Variants in NEO1 observed in about 807,000 individuals in gnomAD.
NEO1 encodes neogenin 1.
In NEO1, 63 loss-of-function variants were observed where a neutral mutation model predicts 159.7. The ratio of observed to expected loss-of-function variants is 0.39; its 90% CI spans 0.32 to 0.49. NEO1 has a LOEUF of 0.49. NEO1 is among the 20% of genes least tolerant of loss of function. The pLI is 0.85. For missense variants in NEO1, 1,615 were observed against 1,831.0 expected (o/e 0.88, Z 2.15); for synonymous variants, 633 against 662.0 (o/e 0.96, Z 0.67).
rs1426917037 is a variant in NEO1, at chr15:73,092,215, C to T, written c.131-24325C>T. Among the ~76,000 whole-genome samples the T allele has an allele frequency of 2.6e-5, 4 of 152,244 alleles. No homozygotes were observed. The South Asian group carries it at 8.3e-4, about 32-fold the overall frequency. On this transcript the variant is annotated intron_variant, in intron 1 of 28. Transcript: ENST00000261908. ...CTACTTCTGTTCCCTGGATTAGTCA[C>T]CTAGTCACCACTCTTGTCTTTGTGA...
chr15:73,281,065 G>A (rs1434871816), intron 22 of NEO1, among the ~76,000 whole-genome samples: 2 of 151,114 alleles, frequency 1.3e-5, no homozygotes, highest in Non-Finnish European at 3.0e-5. Context: ...AAAATTAGCC[G>A]GGCATGGTGG....
chr15:73,107,522 C>T (rs544802835), intron 1 of NEO1, among the ~76,000 whole-genome samples: 3 of 152,158 alleles, frequency 2.0e-5, no homozygotes, highest in Non-Finnish European at 4.4e-5. Flanking sequence ...ATACTAGTAT[C>T]ATTGCCCATC....
chr15:73,270,234 G>A lies in NEO1; in HGVS notation c.2718+1G>A, dbSNP rs759084062. The A allele has an allele frequency of 1.9e-6, 3 of 1,613,876 alleles. No individual in the cohort carries two copies. Among genetic ancestry groups the A allele is most frequent in the Non-Finnish European group, 2.5e-6 (3 of 1,179,922 alleles). ...CATCCCAGCAAACACCAAGTACAAG[G>A]TACTGACACATTTGCCCTGGCTGAA... is the stretch of plus-strand genomic sequence containing the variant. On this transcript the variant is annotated splice_donor_variant, in intron 17 of 28. Transcript: ENST00000261908. LOFTEE classifies it high-confidence loss of function.
intron 7 of NEO1, among the ~76,000 whole-genome samples, chr15:73,234,062 CT>C (rs754179971): frequency 6.6e-6 from 1 of 152,184 alleles, no homozygotes; most frequent in Non-Finnish European, 1.5e-5. Context: ...ACACAGCAAA[CT>C]TTCTCTCCTC....
At chr15:73,199,714 A>G (rs1406193379) in intron 7 of NEO1, among the ~76,000 whole-genome samples, 1 of 152,148 alleles carries the variant, frequency 6.6e-6, no homozygotes, top group Non-Finnish European at 1.5e-5. Flanking sequence ...TATTTCTCAC[A>G]GTTCTGGAGG....
chr15:73,133,626 C>G (rs1053727729), intron 4 of NEO1, among the ~76,000 whole-genome samples: 1 of 152,072 alleles, frequency 6.6e-6, no homozygotes, highest in African/African-American at 2.4e-5. Context: ...CCAGACTGAC[C>G]CTAGGCTACT....
intron 7 of NEO1, among the ~76,000 whole-genome samples, chr15:73,207,337 T>C (rs2037297624): frequency 6.6e-6 from 1 of 152,218 alleles, no homozygotes; most frequent in Non-Finnish European, 1.5e-5. Flanking sequence ...ACCACACAGC[T>C]AATATATCTG....
intron 4 of NEO1, among the ~76,000 whole-genome samples, chr15:73,132,738 A>G (rs762648373): frequency 2.6e-5 from 4 of 152,272 alleles, no homozygotes; most frequent in Admixed American, 6.5e-5. Flanking sequence ...TGAATAGACA[A>G]TTCTCAAAAG....
Position 73,116,680 on chromosome 15 carries a change from A to G in NEO1, c.271A>G (p.Thr91Ala). ...AAAAATTGAATGGAAAAAAGATGGA[A>G]CTTTTTTAAACTTAGTATCAGATGA... is the stretch of plus-strand genomic sequence containing the variant. ...SPKIEWKKDG[T>A]FLNLVSDDRR... Residue 91 changes from threonine to alanine, a missense_variant, in exon 2 of 29, where the codon ACT becomes GCT. Thr to Ala is a moderately conservative substitution (Grantham distance 58, BLOSUM62 0). Around this residue, in one of 3 missense-constraint regions of NEO1, gnomAD observed 1,018 missense variants for 1,115.4 expected, o/e 0.91. Transcript: ENST00000261908. 1 of 1,613,942 alleles carries G rather than the reference A, an allele frequency of 6.2e-7. No homozygotes were observed.
intron 1 of NEO1, among the ~76,000 whole-genome samples, chr15:73,098,563 G>A (rs2151491567): frequency 6.6e-6 from 1 of 152,168 alleles, no homozygotes; most frequent in East Asian, 1.9e-4. Flanking sequence ...ATCACTCCAT[G>A]GTAGAAAATA....
At chr15:73,249,772 G>GT in intron 11 of NEO1, 51 bp downstream of exon 11, 3 of 1,549,832 alleles carry the variant, frequency 1.9e-6, no homozygotes, top group Non-Finnish European at 2.6e-6. Context: ...GCCCCTAGTG[G>GT]TTTAGTTGTA....
intron 7 of NEO1, 61 bp from the exon 8 acceptor site, chr15:73,236,286 G>A: frequency 1.2e-6 from 2 of 1,611,394 alleles, no homozygotes; most frequent in Non-Finnish European, 1.7e-6. Context: ...CACATGACAA[G>A]ATGTTGCCAT....
chr15:73,158,927 T>G (rs2033974624), intron 5 of NEO1, among the ~76,000 whole-genome samples: 1 of 152,160 alleles, frequency 6.6e-6, no homozygotes, highest in African/African-American at 2.4e-5. Flanking sequence ...AGATCCAGCT[T>G]TTTTGAGGTC....
intron 1 of NEO1, among the ~76,000 whole-genome samples, chr15:73,089,851 T>C (rs1333234582): frequency 2.0e-5 from 3 of 152,176 alleles, no homozygotes; most frequent in Admixed American, 1.3e-4. Context: ...GAGATGTTCC[T>C]TGAAGCATTG....
At chr15:73,140,304 C>G (rs2032257012) in intron 5 of NEO1, among the ~76,000 whole-genome samples, 1 of 152,062 alleles carries the variant, frequency 6.6e-6, no homozygotes, top group Non-Finnish European at 1.5e-5. Context: ...GCCTGTAATC[C>G]CAGCACTTTG....
chr15:73,107,128 C>G (rs1156457427), intron 1 of NEO1, among the ~76,000 whole-genome samples: 1 of 152,176 alleles, frequency 6.6e-6, no homozygotes, highest in Non-Finnish European at 1.5e-5. Context: ...AAACCCAGCA[C>G]CTCTGCAAAT....
intron 8 of NEO1, among the ~76,000 whole-genome samples, chr15:73,240,734 A>C (rs1245446958): frequency 6.6e-6 from 1 of 152,178 alleles, no homozygotes; most frequent in African/African-American, 2.4e-5. Flanking sequence ...ATGAAGATGA[A>C]AGCAGCGACT....
At chr15:73,093,717 G>A (rs2069832594) in intron 1 of NEO1, among the ~76,000 whole-genome samples, 1 of 151,906 alleles carries the variant, frequency 6.6e-6, no homozygotes, top group African/African-American at 2.4e-5. Context: ...GGGACCACAG[G>A]CGTGCACTAC....
At chr15:73,152,936 CT>C (rs1236881636) in intron 5 of NEO1, among the ~76,000 whole-genome samples, 1 of 152,050 alleles carries the variant, frequency 6.6e-6, no homozygotes, top group African/African-American at 2.4e-5. Context: ...AGAGAAGAGA[CT>C]TTTATTATAA....
Sources: allele counts gnomAD v4.1 joint callset (sites outside exome capture counted in the v4.1 genomes callset), GRCh38; gene constraint gnomAD v4.1.1; regional missense constraint gnomAD v4.1.1; transcripts MANE v1.5; gene names NCBI Gene and HGNC (gene_info 2026-07-23, HGNC 2026-07-21).